SHQ1: variants seen among roughly 807,000 people sequenced by gnomAD.
SHQ1 encodes the protein SHQ1, H/ACA ribonucleoprotein assembly factor.
SHQ1 carries 49 observed loss-of-function variants against 53.8 expected under a neutral mutation model. That is an observed-to-expected ratio of 0.91 (90% CI 0.72 to 1.16). The LOEUF (loss-of-function observed/expected upper bound fraction) is 1.16. Ranked by LOEUF, SHQ1 falls within the 50% of genes most tolerant of loss-of-function variation. The pLI, the probability that SHQ1 is intolerant of heterozygous loss-of-function variation, is 0.00. For synonymous variants in SHQ1, 243 were observed against 251.0 expected (o/e 0.97, Z 0.30); for missense variants, 738 against 683.1 (o/e 1.08, Z -0.90).
At chr3:72,807,319 G>A (rs983244416) in intron 9 of SHQ1, among the ~76,000 whole-genome samples, 7 of 152,276 alleles carry the variant, frequency 4.6e-5, no homozygotes, top group South Asian at 2.1e-4. Context: ...TCTGTGCCCT[G>A]TGCCCCCATT....
chr3:72,838,325 T>C (rs1708060664), intron 4 of SHQ1, among the ~76,000 whole-genome samples: 1 of 152,234 alleles, frequency 6.6e-6, no homozygotes, highest in South Asian at 2.1e-4. Flanking sequence ...TATAAAACCC[T>C]TAGAGTTTTC....
At chr3:72,799,510 G>A (rs989995668) in intron 9 of SHQ1, among the ~76,000 whole-genome samples, 3 of 152,224 alleles carry the variant, frequency 2.0e-5, no homozygotes, top group East Asian at 1.9e-4. Flanking sequence ...AGGCCCTATC[G>A]GGAAGTAGAA....
chr3:72,772,854 AT>A, intron 10 of SHQ1: 1 of 775,556 alleles, frequency 1.3e-6, no homozygotes, highest in Non-Finnish European at 2.4e-6. Context: ...AAGTTGCCCC[AT>A]CAAAATGGGA....
chr3:72,799,584 T>C (rs535445517), intron 9 of SHQ1, among the ~76,000 whole-genome samples: 180 of 152,344 alleles, frequency 1.2e-3, no homozygotes, highest in African/African-American at 4.0e-3. Context: ...AGAAGGCTTC[T>C]AGGTCTATGT....
intron 8 of SHQ1, among the ~76,000 whole-genome samples, chr3:72,813,760 C>CA (rs757465696): frequency 0.029 from 1,156 of 39,596 alleles, 20 homozygotes; most frequent in African/African-American, 0.048. Context: ...GACACCATCT[C>CA]AAAAAAAAAA....
chr3:72,729,398 C>A, the SHQ1 span, among the ~76,000 whole-genome samples: 58 of 152,316 alleles, frequency 3.8e-4, no homozygotes, highest in South Asian at 7.5e-3. Context: ...GCTGCTCGTG[C>A]TGCCTCCAGC....
At chr3:72,817,535 T>G in intron 6 of SHQ1, 151 bp from the exon 7 acceptor site, 1 of 719,630 alleles carries the variant, frequency 1.4e-6, no homozygotes. Context: ...TTAAGTAGAC[T>G]TCACAGTTTT....
intron 2 of SHQ1, 150 bp downstream of exon 2, chr3:72,844,209 G>A: frequency 1.6e-6 from 1 of 641,246 alleles, no homozygotes; most frequent in Non-Finnish European, 2.7e-6. Flanking sequence ...ATCAATAACA[G>A]GCACTGGACA....
intron 9 of SHQ1, among the ~76,000 whole-genome samples, chr3:72,805,801 C>A (rs190557185): frequency 1.8e-4 from 27 of 152,238 alleles, no homozygotes; most frequent in African/African-American, 5.8e-4. Flanking sequence ...CAAATAACCA[C>A]AAGCTATTCA....
chr3:72,797,865 A>G (rs1006482329), intron 9 of SHQ1, among the ~76,000 whole-genome samples: 2 of 151,992 alleles, frequency 1.3e-5, no homozygotes, highest in Admixed American at 1.3e-4. Flanking sequence ...CATCACAGCC[A>G]GGAGACTCAC....
Position 72,793,293 on chromosome 3 carries a change from G to T in SHQ1, c.1061-257C>A, listed in dbSNP as rs1706501069. 4.0e-5 allele frequency: 11 copies of T among 276,014 alleles called. No individual in the cohort carries two copies. The Admixed American group carries it at 5.2e-4, about 13-fold the overall frequency. The allele number at this position is 276,014 out of a possible 1,614,324, so 17.1% of individuals were successfully genotyped here. On this transcript the variant is annotated intron_variant, in intron 9 of 10. Coordinates refer to ENST00000325599, the MANE Select transcript of SHQ1 (RefSeq NM_018130.3). Reference sequence around the variant, plus strand: ...GAGGCCGAGGCGGGCAGATCACGAGGTCAGGAGATCGAGACCATCCTGGCT... The same window carrying T: ...GAGGCCGAGGCGGGCAGATCACGAGTTCAGGAGATCGAGACCATCCTGGCT...
chr3:72,824,647 G>C, intron 5 of SHQ1, 96 bp from the exon 6 acceptor site: 1 of 1,374,980 alleles, frequency 7.3e-7, no homozygotes, highest in Non-Finnish European at 9.8e-7. Context: ...TAGAAATACA[G>C]ATTTTAATTC....
At chr3:72,832,267 G>A in intron 5 of SHQ1, 102 bp downstream of exon 5, 1 of 792,154 alleles carries the variant, frequency 1.3e-6, no homozygotes. Flanking sequence ...AATAATTTCT[G>A]GAATCCGAAA....
intron 10 of SHQ1, among the ~76,000 whole-genome samples, chr3:72,775,394 A>T (rs1705938446): frequency 6.6e-6 from 1 of 152,004 alleles, no homozygotes; most frequent in South Asian, 2.1e-4. Flanking sequence ...GAATAGTCCT[A>T]TAACAATTAG....
intron 10 of SHQ1, among the ~76,000 whole-genome samples, chr3:72,789,815 G>A (rs1245948305): frequency 6.6e-6 from 1 of 152,076 alleles, no homozygotes; most frequent in Non-Finnish European, 1.5e-5. Flanking sequence ...AGTGCTATGG[G>A]AACATCCATG....
chr3:72,725,419 C>T, the SHQ1 span, among the ~76,000 whole-genome samples: 404 of 152,220 alleles, frequency 2.7e-3, 6 homozygotes, highest in African/African-American at 8.8e-3. Flanking sequence ...GCTGCTCGCT[C>T]TGTGGAAAGT....
chr3:72,783,370 T>C (rs1268034361), intron 10 of SHQ1, among the ~76,000 whole-genome samples: 3 of 147,204 alleles, frequency 2.0e-5, no homozygotes, highest in Non-Finnish European at 4.4e-5. Flanking sequence ...ACACTTTTTT[T>C]TTTTTTTTTT....
intron 10 of SHQ1, among the ~76,000 whole-genome samples, chr3:72,769,255 C>T (rs2106735360): frequency 6.6e-6 from 1 of 152,168 alleles, no homozygotes; most frequent in East Asian, 1.9e-4. Flanking sequence ...GCCAGAACTT[C>T]CGTTATTTCA....
At chr3:72,826,797 G>C (rs1287769036) in intron 5 of SHQ1, among the ~76,000 whole-genome samples, 1 of 152,056 alleles carries the variant, frequency 6.6e-6, no homozygotes, top group African/African-American at 2.4e-5. Flanking sequence ...CACATTTAAG[G>C]GAAAAAAAGT....
Sources: allele counts gnomAD v4.1 joint callset (sites outside exome capture counted in the v4.1 genomes callset), GRCh38; gene constraint gnomAD v4.1.1; transcripts MANE v1.5; gene names NCBI Gene and HGNC (gene_info 2026-07-23, HGNC 2026-07-21).